TMEM223: variants seen among roughly 807,000 people sequenced by gnomAD.
TMEM223 encodes transmembrane protein 223.
TMEM223 carries 14 observed loss-of-function variants against 14.1 expected under a neutral mutation model. The observed-to-expected ratio is 0.99, with a 90% CI of 0.66 to 1.55. TMEM223 has a LOEUF of 1.55. Ranked by LOEUF, TMEM223 falls within the 40% of genes most tolerant of loss-of-function variation. The probability of loss-of-function intolerance (pLI) is 0.00; values close to 1 mark genes in which losing one functional copy is unlikely to be tolerated. For synonymous variants in TMEM223, 145 were observed against 120.5 expected, an observed-to-expected ratio of 1.20 and a Z score of -1.33; for missense variants, 346 against 269.9, an observed-to-expected ratio of 1.28 and a Z score of -1.97.
intron 2 of TMEM223, among the ~76,000 whole-genome samples, chr11:62,773,503 A>G (rs1405781240): frequency 6.8e-6 from 1 of 147,244 alleles, no homozygotes; most frequent in African/African-American, 2.5e-5. Context: ...AATGGAGTGC[A>G]CTGGTGCGAT....
intron 1 of TMEM223, chr11:62,775,912 T>C (rs768994714): frequency 2.5e-6 from 4 of 1,612,130 alleles, no homozygotes; most frequent in Middle Eastern, 1.7e-4. Context: ...TGTGCTATCG[T>C]CTGAGAGAGG....
chr11:62,789,813 A>G (rs753104962), downstream of TMEM223: 1 of 1,567,086 alleles, frequency 6.4e-7, no homozygotes, highest in Non-Finnish European at 8.7e-7. Flanking sequence ...AGCAGTTCAG[A>G]GTGGTGTGTG....
downstream of TMEM223, chr11:62,787,088 C>T (rs571081629): frequency 4.1e-5 from 63 of 1,538,608 alleles, no homozygotes; most frequent in Admixed American, 3.5e-4. Flanking sequence ...CGTTTCGCCC[C>T]GCGCGGCGCC....
intron 1 of TMEM223, chr11:62,776,355 G>T: frequency 6.2e-7 from 1 of 1,611,412 alleles, no homozygotes; most frequent in South Asian, 1.1e-5. Context: ...CACATCCTTT[G>T]ACTCTGGCTT....
chr11:62,772,174 G>A (rs750764873), intron 2 of TMEM223: 17 of 456,092 alleles, frequency 3.7e-5, no homozygotes, highest in South Asian at 2.5e-4. Flanking sequence ...TTATTATTGA[G>A]AATATAGTGA....
chr11:62,778,802 G>A (rs528221679), intron 1 of TMEM223: 2 of 1,334,522 alleles, frequency 1.5e-6, no homozygotes, highest in East Asian at 4.6e-5. Flanking sequence ...TGAGGGGGAG[G>A]AGGCTGGAGA....
rs2084347635 is a variant in TMEM223 at position 62,790,452 on chromosome 11, T to G, written c.*171A>C. On this transcript the variant is annotated 3_prime_UTR_variant, in exon 2 of 2. Transcript: ENST00000307366. Reference sequence around the variant, plus strand: ...TGGCGTTTTTTTTTGTTTTTTTTTTTGTAAATAGAGACAAGGTCTCGCTAT... The same window carrying G: ...TGGCGTTTTTTTTTGTTTTTTTTTTGGTAAATAGAGACAAGGTCTCGCTAT... The G allele has an allele frequency of 1.6e-6, 1 of 618,942 alleles. No homozygotes were observed. The highest frequency in any genetic ancestry group is 1.9e-5 in the African/African-American group (1 of 53,710). 38.3% of individuals were successfully genotyped at this position (618,942 alleles called of 1,614,324 possible).
At chr11:62,787,324 T>C (rs757200174), downstream of TMEM223, 8 of 1,524,648 alleles carry the variant, frequency 5.2e-6, no homozygotes, top group Middle Eastern at 5.3e-4. Context: ...TCCTTGTAAA[T>C]AAATCCCGCC....
Position 62,777,913 on chromosome 11 carries a change from T to A in TMEM223, c.315-3248A>T, listed in dbSNP as rs371760904. On this transcript the variant is annotated intron_variant, in intron 1 of 2. Coordinates refer to the TMEM223 transcript ENST00000528367. ...CTCTGCTCTGGTCAGTGGAGCCTCATCCTGGATCCTGACGCCTGCTCCCTC... is the reference window on the plus strand; with the variant it reads ...CTCTGCTCTGGTCAGTGGAGCCTCAACCTGGATCCTGACGCCTGCTCCCTC... 1.1e-4 allele frequency: 181 copies of A among 1,577,472 alleles called. No homozygotes were observed. The East Asian group carries it at 1.6e-3, about 14-fold the overall frequency.
downstream of TMEM223, chr11:62,789,568 C>T (rs369725522): frequency 4.2e-5 from 65 of 1,549,550 alleles, no homozygotes; most frequent in African/African-American, 3.0e-4. Context: ...TAAACTATCA[C>T]GCTTTCTCAC....
At chr11:62,772,831 T>C (rs2084158741) in intron 2 of TMEM223, among the ~76,000 whole-genome samples, 1 of 151,578 alleles carries the variant, frequency 6.6e-6, no homozygotes. Context: ...GAATAGTTCT[T>C]CTTTCTTTCT....
chr11:62,780,484 C>T (rs1000011074), intron 1 of TMEM223, among the ~76,000 whole-genome samples: 25 of 151,888 alleles, frequency 1.6e-4, no homozygotes, highest in Admixed American at 1.2e-3. Context: ...GCACTCCAGC[C>T]TGGGCAACAA....
intron 1 of TMEM223, among the ~76,000 whole-genome samples, chr11:62,779,181 C>G (rs764448998): frequency 6.6e-6 from 1 of 151,830 alleles, no homozygotes; most frequent in Non-Finnish European, 1.5e-5. Flanking sequence ...CCAGCATGCC[C>G]GGCTAATTTT....
At chr11:62,775,803 G>T (rs754205351) in intron 1 of TMEM223, 10 of 1,610,566 alleles carry the variant, frequency 6.2e-6, no homozygotes, top group Non-Finnish European at 8.5e-6. Context: ...CGAGAAGAGC[G>T]GCGGTTTGTG....
Position 62,775,822 on chromosome 11 carries a change from T to C in TMEM223, c.315-1157A>G, listed in dbSNP as rs1463468590. ...AAGAGCGGCGGTTTGTGGAGATCCCTCGGGAGTCTGTCCGGCTCATGGCGG... is the reference window on the plus strand; with the variant it reads ...AAGAGCGGCGGTTTGTGGAGATCCCCCGGGAGTCTGTCCGGCTCATGGCGG... On this transcript the variant is annotated intron_variant, in intron 1 of 2. Transcript: ENST00000528367. 2 of 1,612,568 alleles carry C rather than the reference T, an allele frequency of 1.2e-6. 1 individual carries two copies. Among genetic ancestry groups the C allele is most frequent in the South Asian group, 2.2e-5 (2 of 91,056 alleles).
Position 62,791,680 on chromosome 11 carries a change from G to C in TMEM223, c.315C>G (p.Ile105Met). 6.5e-7 allele frequency: 1 copy of C among 1,530,734 alleles called. No individual in the cohort carries two copies. The highest frequency in any genetic ancestry group is 8.8e-7 in the Non-Finnish European group (1 of 1,138,288). 94.8% of individuals were successfully genotyped at this position (1,530,734 alleles called of 1,614,324 possible). The change falls in exon 1 of 2, where the codon ATC becomes ATG. Residue 105 changes from isoleucine (I) to methionine (M), a missense_variant and splice_region_variant. Ile to Met is a conservative substitution (Grantham distance 10). Coordinates refer to ENST00000307366, the MANE Select transcript of TMEM223 (RefSeq NM_001080501.3). ...GTGGGAAGCCAGCCCACGTCTTACCGATGGCGCCGCAGCCGACGGCCAGAC... is the reference window on the plus strand; with the variant it reads ...GTGGGAAGCCAGCCCACGTCTTACCCATGGCGCCGCAGCCGACGGCCAGAC... Reference protein sequence around the residue: ...RYGLAVGCGAIGALVLGAGLL... With the variant: ...RYGLAVGCGAMGALVLGAGLL...
downstream of TMEM223, among the ~76,000 whole-genome samples, chr11:62,783,052 TGCCCGTTCTATATTA>T (rs2084241964): frequency 3.9e-5 from 6 of 152,254 alleles, no homozygotes; most frequent in South Asian, 1.2e-3. Flanking sequence ...TATAAATTCC[TGCCCGTTCTATATTA>T]TCACATTAAG....
In TMEM223 at chr11:62,775,997, C is replaced by T. The variant is rs1204706565; in HGVS notation, c.315-1332G>A. ...TTCTGCCTTTTTACTAACCTCCACC[C>T]TCGCTGATTTATTCAAGTGTACACT... On this transcript the variant is annotated intron_variant, in intron 1 of 2. Coordinates refer to the TMEM223 transcript ENST00000528367. 2.0e-6 allele frequency: 3 copies of T among 1,525,802 alleles called. No individual in the cohort carries two copies. The East Asian group carries it at 7.0e-5, about 35-fold the overall frequency. 94.5% of individuals were successfully genotyped at this position (1,525,802 alleles called of 1,614,324 possible). A position where few individuals can be genotyped will look rare whatever the true frequency, so the allele number is the denominator to read the frequency against.
At chr11:62,788,328 G>T (rs1429583902), downstream of TMEM223, among the ~76,000 whole-genome samples, 1 of 151,494 alleles carries the variant, frequency 6.6e-6, no homozygotes, top group African/African-American at 2.4e-5. Context: ...GCTTGAACCT[G>T]GGAGGCGGAG....
Sources: gnomAD v4.1 joint callset for allele counts (sites outside exome capture counted in the v4.1 genomes callset) on GRCh38, gnomAD v4.1.1 for gene constraint, MANE v1.5 for transcripts, NCBI Gene and HGNC (gene_info 2026-07-23, HGNC 2026-07-21) for gene names.